NALCN: variants seen among roughly 807,000 people sequenced by gnomAD.
The protein encoded by NALCN is sodium leak channel NALCN.
In NALCN, 111 loss-of-function variants were observed where a neutral mutation model predicts 225.3. That is an observed-to-expected ratio of 0.49 (90% CI 0.42 to 0.58). The LOEUF (loss-of-function observed/expected upper bound fraction) is 0.58. Among genes scored for constraint, NALCN ranks in the 20% least tolerant of loss-of-function variants. The probability of loss-of-function intolerance (pLI) is 0.00; values close to 1 mark genes in which losing one functional copy is unlikely to be tolerated. For synonymous variants in NALCN, 764 were observed against 769.0 expected, an observed-to-expected ratio of 0.99 and a Z score of 0.11; for missense variants, 1,378 against 2,202.4, an observed-to-expected ratio of 0.63 and a Z score of 7.49.
intron 7 of NALCN, among the ~76,000 whole-genome samples, chr13:101,329,864 C>T (rs2045096811): frequency 6.6e-6 from 1 of 151,700 alleles, no homozygotes; most frequent in Non-Finnish European, 1.5e-5. Context: ...AATGGTGAAA[C>T]CCTGTCTCTA....
At chr13:101,278,321 A>G (rs150935615) in intron 10 of NALCN, among the ~76,000 whole-genome samples, 3,246 of 152,022 alleles carry the variant, frequency 0.021, 111 homozygotes, top group African/African-American at 0.075. Context: ...TCAGGAGTTC[A>G]AGACCAGCCT....
At chr13:101,397,432 G>A (rs2047341985) in intron 2 of NALCN, among the ~76,000 whole-genome samples, 1 of 150,380 alleles carries the variant, frequency 6.6e-6, no homozygotes. Context: ...ACATATACAT[G>A]TTATATGCAT....
At chr13:101,371,528 T>C (rs1055630833) in intron 6 of NALCN, among the ~76,000 whole-genome samples, 1 of 152,124 alleles carries the variant, frequency 6.6e-6, no homozygotes, top group Non-Finnish European at 1.5e-5. Flanking sequence ...TGCCAAACTG[T>C]GTTTTGAAGG....
chr13:101,149,182 A>T (rs1167892801), intron 15 of NALCN, among the ~76,000 whole-genome samples: 2 of 152,102 alleles, frequency 1.3e-5, no homozygotes, highest in Non-Finnish European at 2.9e-5. Context: ...AGTCCCAGCT[A>T]CTAGGGAGGC....
At chr13:101,393,118 T>A (rs779203679) in intron 3 of NALCN, among the ~76,000 whole-genome samples, 4 of 152,296 alleles carry the variant, frequency 2.6e-5, no homozygotes, top group African/African-American at 9.6e-5. Flanking sequence ...TTGCAACTTA[T>A]ATCACAAACG....
intron 4 of NALCN, 117 bp downstream of exon 4, chr13:101,378,453 G>A: frequency 3.0e-6 from 2 of 676,946 alleles, no homozygotes; most frequent in Non-Finnish European, 4.8e-6. Context: ...AAATGTTGTA[G>A]GCAATTACAC....
intron 1 of NALCN, among the ~76,000 whole-genome samples, chr13:101,414,536 C>T (rs1039861156): frequency 1.7e-5 from 2 of 121,196 alleles, no homozygotes; most frequent in African/African-American, 6.5e-5. Context: ...TACATGCACA[C>T]ACAAAGCATG....
At chr13:101,075,980 CAA>C in intron 34 of NALCN, 39 bp from the exon 35 acceptor site, 2 of 1,569,226 alleles carry the variant, frequency 1.3e-6, no homozygotes, top group Non-Finnish European at 1.7e-6. Context: ...ATAATTTGCA[CAA>C]AAGATCTTGT....
At chr13:101,349,770 C>CAT (rs1452146326) in intron 6 of NALCN, among the ~76,000 whole-genome samples, 1 of 152,146 alleles carries the variant, frequency 6.6e-6, no homozygotes, top group East Asian at 1.9e-4. Flanking sequence ...AATTCTCTGT[C>CAT]ATCCTTTACA....
chr13:101,145,008 T>TAGATGG, intron 15 of NALCN, 112 bp from the exon 16 acceptor site: 1 of 1,222,588 alleles, frequency 8.2e-7, no homozygotes, highest in Non-Finnish European at 1.1e-6. Context: ...GAAATGCCAG[T>TAGATGG]AGATGGCAGC....
chr13:101,085,606 A>T (rs2033890649), intron 30 of NALCN, among the ~76,000 whole-genome samples: 2 of 152,160 alleles, frequency 1.3e-5, no homozygotes. Flanking sequence ...TATGCTAATT[A>T]TCCTGATTTG....
intron 6 of NALCN, among the ~76,000 whole-genome samples, chr13:101,360,219 TCTCTCTCTCTC>T (rs2046210253): frequency 1.5e-5 from 2 of 135,916 alleles, no homozygotes; most frequent in Non-Finnish European, 3.3e-5. Context: ...TCTCTCTCTC[TCTCTCTCTCTC>T]CTTCCTTCCT....
At chr13:101,326,129 T>G (rs2044942988) in intron 7 of NALCN, among the ~76,000 whole-genome samples, 2 of 152,204 alleles carry the variant, frequency 1.3e-5, no homozygotes, top group Non-Finnish European at 2.9e-5. Flanking sequence ...GACAAAAATT[T>G]AAGGACACAA....
At chr13:101,347,753 A>G (rs1464088597) in intron 6 of NALCN, among the ~76,000 whole-genome samples, 1 of 152,206 alleles carries the variant, frequency 6.6e-6, no homozygotes, top group Non-Finnish European at 1.5e-5. Context: ...TGTAAGGTAG[A>G]GAGAGTAATC....
At chr13:101,360,079 CTT>C (rs958606493) in intron 6 of NALCN, among the ~76,000 whole-genome samples, 2 of 149,286 alleles carry the variant, frequency 1.3e-5, no homozygotes, top group Admixed American at 6.6e-5. Flanking sequence ...TTCTTTCTTT[CTT>C]TCTCTTTCTT....
At chr13:101,219,033 T>G (rs530573393) in intron 13 of NALCN, among the ~76,000 whole-genome samples, 1 of 152,306 alleles carries the variant, frequency 6.6e-6, no homozygotes, top group South Asian at 2.1e-4. Context: ...CCTGATTACT[T>G]CATTTTAACT....
intron 10 of NALCN, among the ~76,000 whole-genome samples, chr13:101,275,862 G>A (rs1239024082): frequency 1.3e-5 from 2 of 152,028 alleles, no homozygotes; most frequent in South Asian, 2.1e-4. Flanking sequence ...TCAGAAGATC[G>A]AGATCATCCT....
At chr13:101,327,949 C>T (rs2045020733) in intron 7 of NALCN, among the ~76,000 whole-genome samples, 1 of 152,142 alleles carries the variant, frequency 6.6e-6, no homozygotes, top group Admixed American at 6.5e-5. Context: ...GTTGGAACTA[C>T]TGAACTTTTC....
At chr13:101,376,218 A>C (rs1337955501) in intron 6 of NALCN, among the ~76,000 whole-genome samples, 1 of 152,092 alleles carries the variant, frequency 6.6e-6, no homozygotes, top group African/African-American at 2.4e-5. Flanking sequence ...CTCTAGGTTT[A>C]TGTTATTATG....
Sources: gnomAD v4.1 joint callset for allele counts (sites outside exome capture counted in the v4.1 genomes callset) on GRCh38, gnomAD v4.1.1 for gene constraint, MANE v1.5 for transcripts, NCBI Gene and HGNC (gene_info 2026-07-23, HGNC 2026-07-21) for gene names.